Variants in QKI observed in about 807,000 individuals in gnomAD.
The protein encoded by QKI is QKI, KH domain containing RNA binding.
A neutral mutation model predicts 39.0 loss-of-function variants in QKI; 10 were observed. That is an observed-to-expected ratio of 0.26 (90% CI 0.16 to 0.43). QKI has a LOEUF of 0.43. Among genes scored for constraint, QKI ranks in the 20% least tolerant of loss-of-function variants. QKI has a pLI of 1.00. For synonymous variants in QKI, 204 were observed against 155.4 expected, an observed-to-expected ratio of 1.31 and a Z score of -2.33; for missense variants, 218 against 428.0, an observed-to-expected ratio of 0.51 and a Z score of 4.33.
At position 163,563,700 on chromosome 6, in the gene QKI, T is replaced by C; in HGVS notation, c.915T>C (p.Ile305=). The change falls in exon 6 of 8, where the codon ATT becomes ATC. Residue 305 remains isoleucine, a synonymous_variant. Transcript: ENST00000361752. ...APATSILEYP[I]EPSGVLGAVA... ...CTACATCAATCCTTGAGTATCCTAT[T>C]GAACCTAGTGGTGTATTAGGTAAGT... 1 of 1,614,008 alleles carries C rather than the reference T, an allele frequency of 6.2e-7. No individual in the cohort carries two copies. The highest frequency in any genetic ancestry group is 8.5e-7 in the Non-Finnish European group (1 of 1,179,892).
At position 163,526,777 on chromosome 6, in the gene QKI, C is replaced by G. The variant is rs116820145; in HGVS notation, c.403-8205C>G. Among the ~76,000 whole-genome samples the G allele has an allele frequency of 2.9e-3, 435 of 152,268 alleles. 2 individuals are homozygous for G. Among genetic ancestry groups the G allele is most frequent in the African/African-American group, 9.7e-3 (403 of 41,558 alleles). ...AATTGTTTCTGCATGCTAAAAGCAG[C>G]TCATATCTAGAGAAATCTCACTCAT... On this transcript the variant is annotated intron_variant, in intron 3 of 7. Coordinates refer to ENST00000361752, the MANE Select transcript of QKI (RefSeq NM_006775.3).
chr6:163,446,764 T>A (rs1407231368), intron 1 of QKI, among the ~76,000 whole-genome samples: 1 of 152,202 alleles, frequency 6.6e-6, no homozygotes, highest in African/African-American at 2.4e-5. Flanking sequence ...ATTAAGTAAC[T>A]GGTTTTTCAA....
intron 3 of QKI, among the ~76,000 whole-genome samples, chr6:163,521,014 C>T (rs538574311): frequency 2.4e-4 from 36 of 152,092 alleles, no homozygotes; most frequent in South Asian, 8.3e-4. Context: ...TTTCTAATGA[C>T]GTAAAATTAC....
At chr6:163,537,540 A>AT (rs1343153979) in intron 4 of QKI, among the ~76,000 whole-genome samples, 1 of 152,200 alleles carries the variant, frequency 6.6e-6, no homozygotes, top group African/African-American at 2.4e-5. Context: ...GAGGTTCATA[A>AT]TTTTGTATTG....
intron 4 of QKI, among the ~76,000 whole-genome samples, chr6:163,541,340 A>C (rs530406483): frequency 1.3e-5 from 2 of 152,130 alleles, no homozygotes; most frequent in East Asian, 1.9e-4. Context: ...AGTCTTTTTT[A>C]ATCTAATAAC....
At chr6:163,547,921 T>G (rs1273321303) in intron 4 of QKI, among the ~76,000 whole-genome samples, 1 of 152,124 alleles carries the variant, frequency 6.6e-6, no homozygotes, top group African/African-American at 2.4e-5. Flanking sequence ...TATCACCCCA[T>G]GGTAAAAATG....
intron 2 of QKI, among the ~76,000 whole-genome samples, chr6:163,465,889 C>G (rs1048788251): frequency 3.3e-5 from 5 of 151,194 alleles, no homozygotes; most frequent in Non-Finnish European, 5.9e-5. Context: ...TTTGGGAGGC[C>G]GAAGCGGGCG....
chr6:163,495,843 A>T (rs1327123766), intron 3 of QKI, among the ~76,000 whole-genome samples: 1 of 152,216 alleles, frequency 6.6e-6, no homozygotes, highest in African/African-American at 2.4e-5. Context: ...TCACATTAGC[A>T]GTTAGATGAT....
chr6:163,478,762 C>CTTTT lies in QKI; in HGVS notation c.286-9_286-6dup. Reference sequence around the variant, plus strand: ...AGCAAGTGAATAATGTATAGTGATCCTTTTTTTTTTTTCTCAGTTTAATTT... The same window carrying CTTTT: ...AGCAAGTGAATAATGTATAGTGATCCTTTTTTTTTTTTTTTTCTCAGTTTAATTT... On this transcript the variant is annotated splice_polypyrimidine_tract_variant and intron_variant, in intron 2 of 7. Transcript: ENST00000361752. 8.7e-7 allele frequency: 1 copy of CTTTT among 1,153,468 alleles called. No individual in the cohort carries two copies. The highest frequency in any genetic ancestry group is 2.2e-5 in the Admixed American group (1 of 44,560). The allele number at this position is 1,153,468 out of a possible 1,614,324, so 71.5% of individuals were successfully genotyped here. A position where few individuals can be genotyped will look rare whatever the true frequency, so the allele number is the denominator to read the frequency against.
chr6:163,480,387 C>T (rs150353863), intron 3 of QKI, among the ~76,000 whole-genome samples: 1 of 152,020 alleles, frequency 6.6e-6, no homozygotes, highest in Non-Finnish European at 1.5e-5. Flanking sequence ...GTGGAACTTA[C>T]GGAATGAATA....
At position 163,433,549 on chromosome 6, in the gene QKI, G is replaced by A. The variant is rs545667593; in HGVS notation, c.142+18214G>A. Among the ~76,000 whole-genome samples, 9 of 152,240 alleles carry A rather than the reference G, an allele frequency of 5.9e-5. No homozygotes were observed. In the South Asian group the frequency reaches 1.2e-3, roughly 21 times the overall value. On this transcript the variant is annotated intron_variant, in intron 1 of 7. Transcript: ENST00000361752. ...TGGGAGACCGAGGTGGGCAGATCACGAGGTCAGGAGTTTGAGGCCAGCCTG... is the reference window on the plus strand; with the variant it reads ...TGGGAGACCGAGGTGGGCAGATCACAAGGTCAGGAGTTTGAGGCCAGCCTG...
chr6:163,489,586 G>T (rs770998507), intron 3 of QKI, among the ~76,000 whole-genome samples: 2 of 150,524 alleles, frequency 1.3e-5, no homozygotes, highest in Non-Finnish European at 2.9e-5. Flanking sequence ...ACTTGAAATG[G>T]TACCATTACA....
rs1370026446 is a variant in QKI at position 163,496,635 on chromosome 6, A to G, written c.402+17739A>G. On this transcript the variant is annotated intron_variant, in intron 3 of 7. Transcript: ENST00000361752. ...GGTCTTTACTGTGGCTAAAGGCCCT[A>G]CGTGGCCTTGTAGCTTGCTCCTCCC... Among the ~76,000 whole-genome samples, 3 of 152,162 alleles carry G rather than the reference A, an allele frequency of 2.0e-5. No individual in the cohort carries two copies. In the East Asian group the frequency reaches 5.8e-4, roughly 29 times the overall value.
chr6:163,561,573 A>C (rs1200222175), intron 4 of QKI, among the ~76,000 whole-genome samples: 2 of 152,172 alleles, frequency 1.3e-5, no homozygotes, highest in East Asian at 3.9e-4. Flanking sequence ...ATGCCACAGC[A>C]CTCCAGCCTG....
intron 3 of QKI, among the ~76,000 whole-genome samples, chr6:163,515,126 C>T (rs1218656200): frequency 6.6e-6 from 1 of 152,082 alleles, no homozygotes; most frequent in African/African-American, 2.4e-5. Context: ...TAAAAATGAA[C>T]ATTTGAAAAG....
chr6:163,533,016 G>T (rs1780957681), intron 3 of QKI, among the ~76,000 whole-genome samples: 1 of 151,896 alleles, frequency 6.6e-6, no homozygotes, highest in African/African-American at 2.4e-5. Flanking sequence ...GGTGAATCTG[G>T]TTCCTGTTAC....
At chr6:163,430,836 A>G (rs567514964) in intron 1 of QKI, among the ~76,000 whole-genome samples, 3 of 152,306 alleles carry the variant, frequency 2.0e-5, no homozygotes, top group East Asian at 1.9e-4. Flanking sequence ...TCCATGGAAT[A>G]CTGGTCTCCT....
chr6:163,540,516 C>G (rs921399747), intron 4 of QKI, among the ~76,000 whole-genome samples: 1 of 152,104 alleles, frequency 6.6e-6, no homozygotes, highest in East Asian at 1.9e-4. Context: ...ATCTGGTAGA[C>G]TTCTTTGTTT....
Position 163,561,978 on chromosome 6 carries a change from A to G in QKI, c.547-4A>G, listed in dbSNP as rs1410553408. 4 of 1,611,366 alleles carry G rather than the reference A, an allele frequency of 2.5e-6. No individual in the cohort carries two copies. Among genetic ancestry groups the G allele is most frequent in the South Asian group, 1.1e-5 (1 of 90,800 alleles). On this transcript the variant is annotated splice_region_variant and splice_polypyrimidine_tract_variant and intron_variant, in intron 4 of 7. Transcript: ENST00000361752. ...CTTTCATCTCATGTGTTTTCCATGT[A>G]TAGGCAGAAGGAGAAGACAGCCTGA... is the stretch of plus-strand genomic sequence containing the variant.
Sources: gnomAD v4.1 joint callset for allele counts (sites outside exome capture counted in the v4.1 genomes callset) on GRCh38, gnomAD v4.1.1 for gene constraint, MANE v1.5 for transcripts, NCBI Gene and HGNC (gene_info 2026-07-23, HGNC 2026-07-21) for gene names.